The following SCARB2 variants were observed in gnomAD, a reference collection of about 807,000 sequenced individuals.
SCARB2 encodes the protein scavenger receptor class B member 2, also known as lysosome membrane protein 2.
Under a neutral mutation model 58.6 loss-of-function variants are expected in SCARB2, and 29 were observed. The observed-to-expected ratio is 0.49, with a 90% CI of 0.37 to 0.67. The LOEUF (loss-of-function observed/expected upper bound fraction) is 0.67, where lower values mean the gene tolerates loss of function less well. SCARB2 is among the 30% of genes least tolerant of loss of function. The probability of loss-of-function intolerance (pLI) is 0.00; values close to 1 mark genes in which losing one functional copy is unlikely to be tolerated. For missense variants in SCARB2, 488 were observed against 578.5 expected (o/e 0.84, Z 1.60); for synonymous variants, 195 against 210.1 (o/e 0.93, Z 0.62).
rs1277071992 is a variant in SCARB2 at position 76,213,603 on chromosome 4, G to A, written c.-60C>T. 4 of 1,394,642 alleles carry A rather than the reference G, an allele frequency of 2.9e-6. No individual in the cohort carries two copies. The highest frequency in any genetic ancestry group is 1.4e-5 in the African/African-American group (1 of 70,286). 86.4% of individuals were successfully genotyped at this position (1,394,642 alleles called of 1,614,324 possible). A position where few individuals can be genotyped will look rare whatever the true frequency, so the allele number is the denominator to read the frequency against. ...CCCGCCAGGGATCCAACTGCAAGGA[G>A]GGAGGAGCCGCCGCAGAGGCGTCGA... On this transcript the variant is annotated 5_prime_UTR_variant, in exon 1 of 12. Coordinates refer to ENST00000264896, the MANE Select transcript of SCARB2 (RefSeq NM_005506.4).
intron 1 of SCARB2, among the ~76,000 whole-genome samples, chr4:76,229,731 T>C (rs948035320): frequency 5.9e-5 from 9 of 152,200 alleles, no homozygotes; most frequent in Non-Finnish European, 8.8e-5. Flanking sequence ...CCTGCTCTGA[T>C]GGAGGTATCA....
At position 76,195,369 on chromosome 4, in the gene SCARB2, A is replaced by AAAAAT. The variant is rs780127404; in HGVS notation, c.275+333_275+337dup. The stretch of plus-strand genomic sequence containing the variant: ...AACAAAGCCAGACCTTGTCTCTTAA[A>AAAAAT]AAAATAAAATAAAATAAAATAAGAA... On this transcript the variant is annotated intron_variant, in intron 2 of 11. Transcript: ENST00000264896. 3.3e-4 allele frequency: 68 copies of AAAAAT among 205,942 alleles called. 1 individual carries two copies. Among genetic ancestry groups the AAAAAT allele is most frequent in the Admixed American group, 2.9e-3 (55 of 18,670 alleles). 12.8% of individuals were successfully genotyped at this position (205,942 alleles called of 1,614,324 possible).
rs1731888470 is a variant in SCARB2, at chr4:76,161,093, T to A, written c.*620A>T. ...TGGGTATTGCCCCACCCAACCCCTTTCCCATTTGATTCTACCCAGTATTTT... is the reference window on the plus strand; with the variant it reads ...TGGGTATTGCCCCACCCAACCCCTTACCCATTTGATTCTACCCAGTATTTT... On this transcript the variant is annotated 3_prime_UTR_variant, in exon 12 of 12. Transcript: ENST00000264896. 1 of 155,884 alleles carries A rather than the reference T, an allele frequency of 6.4e-6. No homozygotes were observed. The allele number at this position is 155,884 out of a possible 1,614,324, so 9.7% of individuals were successfully genotyped here. A position where few individuals can be genotyped will look rare whatever the true frequency, so the allele number is the denominator to read the frequency against.
At chr4:76,212,921 T>C (rs979609390) in intron 1 of SCARB2, among the ~76,000 whole-genome samples, 1 of 152,168 alleles carries the variant, frequency 6.6e-6, no homozygotes, top group African/African-American at 2.4e-5. Flanking sequence ...TCACCCAGCC[T>C]AAAGGACTGG....
chr4:76,186,273 G>A (rs527518626), intron 2 of SCARB2, among the ~76,000 whole-genome samples: 67 of 152,302 alleles, frequency 4.4e-4, no homozygotes, highest in African/African-American at 1.5e-3. Flanking sequence ...CAGAGGCAGC[G>A]GTGGGGCGAA....
chr4:76,230,363 G>C (rs975950817), intron 1 of SCARB2, among the ~76,000 whole-genome samples: 26 of 152,224 alleles, frequency 1.7e-4, no homozygotes, highest in African/African-American at 5.8e-4. Flanking sequence ...TGCTCGCTCT[G>C]TGCCCTCCTA....
intron 1 of SCARB2, among the ~76,000 whole-genome samples, chr4:76,212,646 G>C (rs1371789028): frequency 6.6e-6 from 1 of 152,288 alleles, no homozygotes; most frequent in Middle Eastern, 3.4e-3. Context: ...TTTTGACACA[G>C]CTTGGTGGAT....
chr4:76,217,466 G>A (rs1156621722), upstream of SCARB2: 1 of 407,154 alleles, frequency 2.5e-6, no homozygotes, highest in African/African-American at 2.0e-5. Flanking sequence ...TCAGGCATGA[G>A]TGAGTTGTCA....
chr4:76,161,574 T>A lies in SCARB2; in HGVS notation c.*139A>T. On this transcript the variant is annotated 3_prime_UTR_variant, in exon 12 of 12. Transcript: ENST00000264896. ...CCTGCTCTTTAACCTCTGGCCAGAA[T>A]GTTCCTATCACTTGCCAGCGCCGTG... The A allele has an allele frequency of 1.2e-6, 1 of 861,398 alleles. No homozygotes were observed. The highest frequency in any genetic ancestry group is 2.0e-6 in the Non-Finnish European group (1 of 507,898). The allele number at this position is 861,398 out of a possible 1,614,324, so 53.4% of individuals were successfully genotyped here. A position where few individuals can be genotyped will look rare whatever the true frequency, so the allele number is the denominator to read the frequency against.
chr4:76,213,321 G>A, intron 1 of SCARB2, 106 bp downstream of exon 1: 1 of 791,194 alleles, frequency 1.3e-6, no homozygotes, highest in Non-Finnish European at 2.2e-6. Context: ...GCTCTAGCGC[G>A]GAGGGTCTGC....
chr4:76,216,405 T>C (rs1259097134), upstream of SCARB2, among the ~76,000 whole-genome samples: 1 of 152,202 alleles, frequency 6.6e-6, no homozygotes, highest in Non-Finnish European at 1.5e-5. Context: ...ACTCTCTGAC[T>C]GCTACAATCA....
rs1732109613 is a variant in SCARB2 at position 76,170,666 on chromosome 4, C to CGT, written c.995-682_995-681insAC. On this transcript the variant is annotated intron_variant, in intron 7 of 11. Coordinates refer to ENST00000264896, the MANE Select transcript of SCARB2 (RefSeq NM_005506.4). ...CCAAGTAGCTGGGACTACAGGCATG[C>CGT]ACCACCACACCCGGATAATTTTTTT... Among the ~76,000 whole-genome samples, 3 of 151,998 alleles carry CGT rather than the reference C, an allele frequency of 2.0e-5. No individual in the cohort carries two copies. The South Asian group carries it at 6.2e-4, about 31-fold the overall frequency.
At chr4:76,179,986 T>C (rs1005735010) in intron 3 of SCARB2, 11 of 457,478 alleles carry the variant, frequency 2.4e-5, no homozygotes, top group Non-Finnish European at 3.6e-5. Context: ...AAAGCTCTTG[T>C]AAACATGTGG....
intron 7 of SCARB2, chr4:76,173,548 G>A (rs1269494155): frequency 6.5e-6 from 1 of 153,894 alleles, no homozygotes; most frequent in Non-Finnish European, 1.4e-5. Context: ...ATGTTGCCCA[G>A]GCTGATCTTG....
At chr4:76,178,689 C>T (rs893108762) in intron 4 of SCARB2, among the ~76,000 whole-genome samples, 6 of 152,154 alleles carry the variant, frequency 3.9e-5, no homozygotes, top group Non-Finnish European at 8.8e-5. Context: ...CTGCTTCTCC[C>T]GAATGATGCA....
At chr4:76,196,111 A>T (rs187816253) in intron 1 of SCARB2, among the ~76,000 whole-genome samples, 1 of 152,282 alleles carries the variant, frequency 6.6e-6, no homozygotes, top group African/African-American at 2.4e-5. Flanking sequence ...GTGGCCCAAC[A>T]CTCTGGGAGG....
Position 76,174,257 on chromosome 4 carries a change from C to T in SCARB2, c.881G>A (p.Arg294Gln), listed in dbSNP as rs752667549. 1.9e-6 allele frequency: 3 copies of T among 1,614,096 alleles called. No homozygotes were observed. The highest frequency in any genetic ancestry group is 1.1e-5 in the South Asian group (1 of 91,074). Residue 294 changes from arginine to glutamine, a missense_variant, in exon 7 of 12, where the codon CGG (arginine) becomes CAG (glutamine). By Grantham distance (43) the Arg-to-Gln change is conservative (BLOSUM62 1). Transcript: ENST00000264896. ...TAATATTTCTGCAGGAACTTTATAC[C>T]GAAAGGCAGGCAGTCCCTGTACACT... ...YESVQGLPAF[R>Q]YKVPAEILAN...
intron 9 of SCARB2, 78 bp from the exon 10 acceptor site, chr4:76,166,379 A>G (rs1732009859): frequency 2.1e-6 from 3 of 1,408,284 alleles, no homozygotes; most frequent in Non-Finnish European, 3.0e-6. Flanking sequence ...ACACATTTAT[A>G]TGAAGATTCT....
At chr4:76,221,853 C>T (rs1468936473) in intron 1 of SCARB2, among the ~76,000 whole-genome samples, 4 of 152,146 alleles carry the variant, frequency 2.6e-5, no homozygotes, top group Non-Finnish European at 4.4e-5. Flanking sequence ...CAAACCTCAG[C>T]GACACCCAGT....
Sources: gnomAD v4.1 joint callset for allele counts (sites outside exome capture counted in the v4.1 genomes callset) on GRCh38, gnomAD v4.1.1 for gene constraint, MANE v1.5 for transcripts, NCBI Gene and HGNC (gene_info 2026-07-23, HGNC 2026-07-21) for gene names.